BAZ2B: variants seen among roughly 807,000 people sequenced by gnomAD.
The protein encoded by BAZ2B is bromodomain adjacent to zinc finger domain protein 2B.
In BAZ2B, 91 loss-of-function variants were observed where a neutral mutation model predicts 246.0. The ratio of observed to expected loss-of-function variants is 0.37; its 90% CI spans 0.31 to 0.44. The LOEUF (loss-of-function observed/expected upper bound fraction) is 0.44. BAZ2B is among the 20% of genes least tolerant of loss of function. The pLI is 1.00. For synonymous variants in BAZ2B, 855 were observed against 860.0 expected, an observed-to-expected ratio of 0.99 and a Z score of 0.10; for missense variants, 2,332 against 2,533.7, an observed-to-expected ratio of 0.92 and a Z score of 1.71.
chr2:159,369,688 T>G (rs2149374581), intron 27 of BAZ2B, among the ~76,000 whole-genome samples: 1 of 152,266 alleles, frequency 6.6e-6, no homozygotes, highest in African/African-American at 2.4e-5. Flanking sequence ...GGGGTAGGGC[T>G]CAGATTGATC....
chr2:159,374,055 A>C (rs56243800), intron 26 of BAZ2B, among the ~76,000 whole-genome samples: 2,231 of 142,932 alleles, frequency 0.016, 67 homozygotes, highest in African/African-American at 0.054. Context: ...TATGAAATTC[A>C]GTTTTTCTTA....
chr2:159,621,710 G>A, the BAZ2B span, among the ~76,000 whole-genome samples: 1 of 152,208 alleles, frequency 6.6e-6, no homozygotes, highest in Non-Finnish European at 1.5e-5. Flanking sequence ...GGTAGTTCAT[G>A]CCTGTAATCC....
Position 159,428,044 on chromosome 2 carries a change from T to C in BAZ2B, c.2365-2A>G. ...CATTATTCCATTTCTGCTGAGATAC[T>C]GAAAAAATCACATATTTTTCCACTT... On this transcript the variant is annotated splice_acceptor_variant, in intron 12 of 36. Coordinates refer to ENST00000392783, the MANE Select transcript of BAZ2B (RefSeq NM_013450.4). LOFTEE classifies it high-confidence loss of function. The C allele has an allele frequency of 6.2e-7, 1 of 1,611,510 alleles. No homozygotes were observed. The highest frequency in any genetic ancestry group is 8.5e-7 in the Non-Finnish European group (1 of 1,178,028).
chr2:159,606,866 G>C (rs1693615241), intron 1 of BAZ2B, among the ~76,000 whole-genome samples: 1 of 150,268 alleles, frequency 6.7e-6, no homozygotes, highest in Admixed American at 6.6e-5. Context: ...ATACATTTGT[G>C]TTTTGAAAAT....
chr2:159,480,440 G>T (rs1455340524), intron 2 of BAZ2B, among the ~76,000 whole-genome samples: 2 of 152,068 alleles, frequency 1.3e-5, no homozygotes, highest in Non-Finnish European at 2.9e-5. Context: ...GATAAAACCT[G>T]ATTCAGGACT....
intron 2 of BAZ2B, among the ~76,000 whole-genome samples, chr2:159,543,591 A>G (rs1308920045): frequency 7.1e-6 from 1 of 140,266 alleles, no homozygotes; most frequent in Non-Finnish European, 1.5e-5. Flanking sequence ...GCTGGAGTGC[A>G]GTGGTGTGAT....
rs768209485 is a variant in BAZ2B, at chr2:159,478,564, A to T, written c.145+11T>A. 6.3e-7 allele frequency: 1 copy of T among 1,576,864 alleles called. No individual in the cohort carries two copies. The highest frequency in any genetic ancestry group is 8.6e-7 in the Non-Finnish European group (1 of 1,165,784). The stretch of plus-strand genomic sequence containing the variant: ...TGGCATTCTAAAATTGAGTTAAAAA[A>T]GGGTATTCACCACATGGGTTGATTG... On this transcript the variant is annotated intron_variant, in intron 3 of 36. Coordinates refer to ENST00000392783, the MANE Select transcript of BAZ2B (RefSeq NM_013450.4).
intron 22 of BAZ2B, 109 bp downstream of exon 22, chr2:159,386,244 T>C: frequency 8.3e-7 from 1 of 1,205,276 alleles, no homozygotes; most frequent in African/African-American, 1.5e-5. Flanking sequence ...TGAGACATTA[T>C]GTGGAAAAAT....
At chr2:159,408,043 G>A (rs1010446209) in intron 14 of BAZ2B, among the ~76,000 whole-genome samples, 5 of 152,108 alleles carry the variant, frequency 3.3e-5, no homozygotes, top group African/African-American at 9.7e-5. Context: ...GCATAAGTAC[G>A]ATCTTTTGCT....
the BAZ2B span, chr2:159,690,225 C>T: frequency 4.0e-5 from 17 of 428,278 alleles, no homozygotes; most frequent in Middle Eastern, 1.6e-3. Context: ...GGTGCTTTCA[C>T]ATTATATCAA....
intron 2 of BAZ2B, among the ~76,000 whole-genome samples, chr2:159,502,858 G>A (rs769383259): frequency 1.3e-5 from 2 of 152,134 alleles, no homozygotes; most frequent in East Asian, 1.9e-4. Flanking sequence ...TCAGGTGCTC[G>A]TCCATTTAGT....
rs540679970 is a variant in BAZ2B at position 159,573,666 on chromosome 2, A to C, written c.-45-17801T>G. ...ATCAAAGGAAAAATAGATAACGTGG[A>C]CTTTTGTCCTTCAAAGGACACTATC... On this transcript the variant is annotated intron_variant, in intron 1 of 36. Coordinates refer to ENST00000392783, the MANE Select transcript of BAZ2B (RefSeq NM_013450.4). 1.3e-3 allele frequency among the ~76,000 whole-genome samples: 198 copies of C among 152,348 alleles called. 6 individuals are homozygous for C. In the South Asian group the frequency reaches 0.04, roughly 30 times the overall value.
rs956548621 is a variant in BAZ2B, at chr2:159,347,691, T to C, written c.5294-45A>G. The stretch of plus-strand genomic sequence containing the variant: ...AATTTAAAAATCCACTTATTAAGCT[T>C]TTCCCCACAGAGACCTCTTCCAGAA... On this transcript the variant is annotated intron_variant, in intron 30 of 36. Transcript: ENST00000392783. 11 of 1,478,282 alleles carry C rather than the reference T, an allele frequency of 7.4e-6. No homozygotes were observed. In the African/African-American group the frequency reaches 1.6e-4, roughly 21 times the overall value. The allele number at this position is 1,478,282 out of a possible 1,614,324, so 91.6% of individuals were successfully genotyped here. A position where few individuals can be genotyped will look rare whatever the true frequency, so the allele number is the denominator to read the frequency against.
At chr2:159,324,670 ACACACACACACACACACACCT>A (rs2063204395) in intron 36 of BAZ2B, 120 bp downstream of exon 36, 22 of 211,074 alleles carry the variant, frequency 1.0e-4, no homozygotes, top group East Asian at 6.5e-4. Context: ...ACACACACAC[ACACACACACACACACACACCT>A]GCCTCAAAGG....
At chr2:159,477,172 G>C (rs977232087) in intron 3 of BAZ2B, among the ~76,000 whole-genome samples, 1 of 152,080 alleles carries the variant, frequency 6.6e-6, no homozygotes, top group Non-Finnish European at 1.5e-5. Context: ...AGGTGTGGTG[G>C]TGGGCACCTG....
At chr2:159,355,985 G>A (rs2059069620) in intron 27 of BAZ2B, among the ~76,000 whole-genome samples, 1 of 152,194 alleles carries the variant, frequency 6.6e-6, no homozygotes, top group Non-Finnish European at 1.5e-5. Flanking sequence ...CACGGTCTTT[G>A]TAACCCACAG....
At chr2:159,574,027 G>A (rs1277887076) in intron 1 of BAZ2B, among the ~76,000 whole-genome samples, 1 of 152,038 alleles carries the variant, frequency 6.6e-6, no homozygotes, top group Non-Finnish European at 1.5e-5. Flanking sequence ...TAGAGCCTGG[G>A]AGGTTGAGCC....
At chr2:159,572,683 T>C (rs181338840) in intron 1 of BAZ2B, among the ~76,000 whole-genome samples, 2 of 152,352 alleles carry the variant, frequency 1.3e-5, no homozygotes, top group African/African-American at 4.8e-5. Context: ...TTCATTTGTA[T>C]TGAATTTTTC....
At chr2:159,430,208 C>T (rs751618789) in intron 10 of BAZ2B, among the ~76,000 whole-genome samples, 14 of 152,088 alleles carry the variant, frequency 9.2e-5, no homozygotes, top group South Asian at 2.1e-4. Flanking sequence ...GATTTTCCTC[C>T]GCCTCTGCCA....
Sources: gnomAD v4.1 joint callset for allele counts (sites outside exome capture counted in the v4.1 genomes callset) on GRCh38, gnomAD v4.1.1 for gene constraint, MANE v1.5 for transcripts, NCBI Gene and HGNC (gene_info 2026-07-23, HGNC 2026-07-21) for gene names.